The following EPS15L1 variants were observed in gnomAD, a reference collection of about 807,000 sequenced individuals.
EPS15L1 encodes epidermal growth factor receptor substrate 15-like 1.
Under a neutral mutation model 117.1 loss-of-function variants are expected in EPS15L1, and 43 were observed. The observed-to-expected ratio is 0.37, with a 90% CI of 0.29 to 0.47. EPS15L1 has a LOEUF of 0.47. EPS15L1 is among the 20% of genes least tolerant of loss of function. EPS15L1 has a pLI of 0.99. For missense variants in EPS15L1, 981 were observed against 1,164.0 expected (o/e 0.84, Z 2.29); for synonymous variants, 459 against 470.5 (o/e 0.98, Z 0.32).
intron 1 of EPS15L1, among the ~76,000 whole-genome samples, chr19:16,468,137 G>C (rs1257723816): frequency 1.3e-5 from 2 of 152,112 alleles, no homozygotes; most frequent in South Asian, 2.1e-4. Flanking sequence ...ACTCTCATTC[G>C]GGTGGGGCTA....
intron 13 of EPS15L1, chr19:16,412,951 C>T (rs531673590): frequency 9.0e-6 from 6 of 664,822 alleles, no homozygotes; most frequent in African/African-American, 5.3e-5. Context: ...TCTCTTCTCC[C>T]GCCCATCAAG....
At chr19:16,449,464 C>CA (rs1277231533) in intron 1 of EPS15L1, among the ~76,000 whole-genome samples, 1 of 152,046 alleles carries the variant, frequency 6.6e-6, no homozygotes, top group African/African-American at 2.4e-5. Flanking sequence ...GCTAAAATAA[C>CA]AAATAGTGAC....
intron 10 of EPS15L1, among the ~76,000 whole-genome samples, chr19:16,420,209 C>T (rs1367294700): frequency 1.3e-5 from 2 of 152,224 alleles, no homozygotes; most frequent in Non-Finnish European, 2.9e-5. Context: ...CATGGAATGA[C>T]CTCTGAGTTC....
chr19:16,376,071 G>A (rs1033989301), intron 22 of EPS15L1, among the ~76,000 whole-genome samples: 1 of 152,170 alleles, frequency 6.6e-6, no homozygotes, highest in African/African-American at 2.4e-5. Flanking sequence ...GCAGGAGGGT[G>A]AGCACCACTT....
At chr19:16,440,501 C>T (rs1056736965) in intron 4 of EPS15L1, among the ~76,000 whole-genome samples, 2 of 152,104 alleles carry the variant, frequency 1.3e-5, no homozygotes, top group Non-Finnish European at 2.9e-5. Context: ...ATGTAAGACA[C>T]CATCACTGGG....
chr19:16,388,712 A>C (rs1023777402), intron 19 of EPS15L1, among the ~76,000 whole-genome samples: 1 of 152,086 alleles, frequency 6.6e-6, no homozygotes, highest in Non-Finnish European at 1.5e-5. Context: ...CTGTAGTCCC[A>C]ACTACTCGAG....
rs942761272 is a variant in EPS15L1, at chr19:16,371,034, G to C, written c.2380+6088C>G. Among the ~76,000 whole-genome samples the C allele has an allele frequency of 3.3e-5, 5 of 152,246 alleles. No individual in the cohort carries two copies. The highest frequency in any genetic ancestry group is 2.6e-4 in the Admixed American group (4 of 15,292). ...CATGTACCCACCGGATTATCTCTCTGAGATCATCGTGGGAACGAAATTGAA... is the reference window on the plus strand; with the variant it reads ...CATGTACCCACCGGATTATCTCTCTCAGATCATCGTGGGAACGAAATTGAA... On this transcript the variant is annotated intron_variant, in intron 22 of 23. Transcript: ENST00000455140. The surrounding 1 kb of genome is among the most constrained non-coding windows in gnomAD (Gnocchi z 4.7).
At chr19:16,450,230 G>C (rs560317066) in intron 1 of EPS15L1, among the ~76,000 whole-genome samples, 1 of 152,218 alleles carries the variant, frequency 6.6e-6, no homozygotes, top group East Asian at 1.9e-4. Context: ...CTGGGCAACA[G>C]AGCTGTCTCT....
chr19:16,441,232 A>G (rs991676225), intron 3 of EPS15L1: 1 of 358,186 alleles, frequency 2.8e-6, no homozygotes, highest in Non-Finnish European at 5.4e-6. Context: ...GCACTTTGGG[A>G]GGCCAAGGTG....
chr19:16,442,120 T>G, intron 2 of EPS15L1, 58 bp downstream of exon 2: 2 of 1,545,732 alleles, frequency 1.3e-6, no homozygotes, highest in Non-Finnish European at 1.8e-6. Flanking sequence ...TATTCTGTAC[T>G]GTGCTTTCAG....
intron 23 of EPS15L1, chr19:16,356,660 T>A (rs1243649295): frequency 6.6e-6 from 1 of 152,212 alleles, no homozygotes; most frequent in Non-Finnish European, 1.5e-5. Flanking sequence ...GCACTTACAC[T>A]GCCATTTAGT....
At chr19:16,431,295 T>C (rs1464919173) in intron 7 of EPS15L1, among the ~76,000 whole-genome samples, 1 of 151,462 alleles carries the variant, frequency 6.6e-6, no homozygotes, top group African/African-American at 2.4e-5. Context: ...TATGGTTAGA[T>C]AGAAGGTATA....
At chr19:16,360,969 T>C (rs1244217741) in intron 23 of EPS15L1, among the ~76,000 whole-genome samples, 1 of 152,158 alleles carries the variant, frequency 6.6e-6, no homozygotes, top group African/African-American at 2.4e-5. Flanking sequence ...TCACACATAG[T>C]GAAACCAATT....
chr19:16,470,837 C>T (rs2093341245), intron 1 of EPS15L1, among the ~76,000 whole-genome samples: 1 of 152,158 alleles, frequency 6.6e-6, no homozygotes, highest in Non-Finnish European at 1.5e-5. Flanking sequence ...ATTATAGGAT[C>T]ACTGAGTGCC....
chr19:16,359,866 T>A (rs4808496), intron 23 of EPS15L1, among the ~76,000 whole-genome samples: 137,658 of 151,102 alleles, frequency 0.91, 63,035 homozygotes, highest in Non-Finnish European at 0.97. Context: ...CATCTCCAAA[T>A]ATGTAAAAAC....
At chr19:16,376,976 G>T in intron 22 of EPS15L1, 146 bp downstream of exon 22, 1 of 1,044,298 alleles carries the variant, frequency 9.6e-7, no homozygotes, top group Non-Finnish European at 1.4e-6. Flanking sequence ...CGTGGACCTG[G>T]GCAGCTGGGC....
intron 12 of EPS15L1, among the ~76,000 whole-genome samples, chr19:16,417,229 C>T (rs767997047): frequency 5.3e-5 from 8 of 150,950 alleles, no homozygotes; most frequent in Non-Finnish European, 1.2e-4. Flanking sequence ...GCTCTGCCCA[C>T]GACCTGCCTG....
At position 16,441,911 on chromosome 19, in the gene EPS15L1, G is replaced by A; in HGVS notation, c.146C>T (p.Ser49Leu). Reference sequence around the variant, plus strand: ...ACATACCTTCCCAAGGATAATGTCCGAGAGGCCAGACTTCTTTAGAAAAAG... The same window carrying A: ...ACATACCTTCCCAAGGATAATGTCCAAGAGGCCAGACTTCTTTAGAAAAAG... ...AALFLKKSGLSDIILGKIWDL... is the reference protein window; with the variant it reads ...AALFLKKSGLLDIILGKIWDL... The change falls in exon 3 of 24, where the codon TCG (serine) becomes TTG (leucine). Residue 49 changes from serine (S) to leucine (L), a missense_variant. Around this residue, in one of 5 missense-constraint regions of EPS15L1, gnomAD observed 62 missense variants for 104.2 expected, o/e 0.59. Coordinates refer to ENST00000455140, the MANE Select transcript of EPS15L1 (RefSeq NM_001258374.3). 3 of 1,613,680 alleles carry A rather than the reference G, an allele frequency of 1.9e-6. No homozygotes were observed. Among genetic ancestry groups the A allele is most frequent in the Non-Finnish European group, 2.5e-6 (3 of 1,179,700 alleles).
rs772522952 is a variant in EPS15L1 at position 16,391,534 on chromosome 19, G to C, written c.2103+770C>G. On this transcript the variant is annotated intron_variant, in intron 19 of 23. Coordinates refer to ENST00000455140, the MANE Select transcript of EPS15L1 (RefSeq NM_001258374.3). ...GAGTGCCCGTCTCTGAGCAGGCCCCGGGCCTGGGTTGCAGCCTAGAAAACG... is the reference window on the plus strand; with the variant it reads ...GAGTGCCCGTCTCTGAGCAGGCCCCCGGCCTGGGTTGCAGCCTAGAAAACG... 3.9e-5 allele frequency among the ~76,000 whole-genome samples: 6 copies of C among 152,200 alleles called. No individual in the cohort carries two copies. In the East Asian group the frequency reaches 1.2e-3, roughly 29 times the overall value.
Sources: gnomAD v4.1 joint callset for allele counts (sites outside exome capture counted in the v4.1 genomes callset) on GRCh38, gnomAD v4.1.1 for gene constraint, gnomAD v4.1.1 regional missense constraint, Gnocchi (gnomAD v3.1) non-coding constraint, MANE v1.5 for transcripts, NCBI Gene and HGNC (gene_info 2026-07-23, HGNC 2026-07-21) for gene names.